Variants in RSBN1 observed in about 807,000 individuals in gnomAD.
RSBN1 encodes the protein lysine-specific demethylase 9.
In RSBN1, 23 loss-of-function variants were observed where a neutral mutation model predicts 74.8. The ratio of observed to expected loss-of-function variants is 0.31; its 90% confidence interval spans 0.22 to 0.44. The LOEUF is 0.44. Among genes scored for constraint, RSBN1 ranks in the 20% least tolerant of loss-of-function variants. RSBN1 has a pLI of 1.00. For missense variants in RSBN1, 808 were observed against 1,020.9 expected, an observed-to-expected ratio of 0.79 and a Z score of 2.84; for synonymous variants, 407 against 379.6, an observed-to-expected ratio of 1.07 and a Z score of -0.84.
rs1659689988 is a variant in RSBN1, at chr1:113,762,097, C to G, written c.*3883G>C. 6.5e-6 allele frequency: 1 copy of G among 152,688 alleles called. No homozygotes were observed. Among genetic ancestry groups the G allele is most frequent in the South Asian group, 2.1e-4 (1 of 4,828 alleles). 9.5% of individuals were successfully genotyped at this position (152,688 alleles called of 1,614,324 possible). ...TAGTCCGCCAGGCAAATATACATTTCATCTATATGCAAAGACCTCTTAGAT... is the reference window on the plus strand; with the variant it reads ...TAGTCCGCCAGGCAAATATACATTTGATCTATATGCAAAGACCTCTTAGAT... On this transcript the variant is annotated 3_prime_UTR_variant, in exon 7 of 7. Coordinates refer to ENST00000261441, the MANE Select transcript of RSBN1 (RefSeq NM_018364.5).
At chr1:113,792,861 A>T (rs61817617) in intron 2 of RSBN1, among the ~76,000 whole-genome samples, 33,101 of 151,944 alleles carry the variant, frequency 0.22, 4,506 homozygotes, top group South Asian at 0.39. Context: ...AGGAAACTCA[A>T]CTTTATAAAG....
chr1:113,779,160 TGGC>T (rs1660088886), intron 2 of RSBN1, among the ~76,000 whole-genome samples: 1 of 152,186 alleles, frequency 6.6e-6, no homozygotes, highest in Non-Finnish European at 1.5e-5. Flanking sequence ...TTATATAAAA[TGGC>T]TCTTTAATGA....
chr1:113,780,941 T>C (rs546818721), intron 2 of RSBN1, among the ~76,000 whole-genome samples: 4 of 152,362 alleles, frequency 2.6e-5, no homozygotes, highest in Admixed American at 2.6e-4. Context: ...TCTAGCTTTC[T>C]GTGACCTACG....
At position 113,812,078 on chromosome 1, in the gene RSBN1, G is replaced by C. The variant is rs746676514; in HGVS notation, c.335C>G (p.Pro112Arg). 25 of 1,579,698 alleles carry C rather than the reference G, an allele frequency of 1.6e-5. No individual in the cohort carries two copies. Among genetic ancestry groups the C allele is most frequent in the East Asian group, 4.5e-5 (2 of 44,274 alleles). The change falls in exon 1 of 7, where the codon CCT becomes CGT. Residue 112 changes from proline to arginine, a missense_variant. Coordinates refer to ENST00000261441, the MANE Select transcript of RSBN1 (RefSeq NM_018364.5). ...TTGGCGGCTGCGACGCCGCCGGTGA[G>C]GGGGAGCGAGAGGGGGCTCCTGGCT... ...RPSQEPPLAP[P>R]HRRRRSRQHP...
At chr1:113,775,762 T>C (rs1380557615) in intron 4 of RSBN1, among the ~76,000 whole-genome samples, 2 of 152,294 alleles carry the variant, frequency 1.3e-5, no homozygotes, top group East Asian at 3.9e-4. Flanking sequence ...TTAATAAGAT[T>C]TCAAGATTCG....
chr1:113,768,509 G>T, intron 4 of RSBN1, 120 bp from the exon 5 acceptor site: 1 of 628,022 alleles, frequency 1.6e-6, no homozygotes. Context: ...ATAAGATGAG[G>T]ACTGAGAAGG....
chr1:113,777,422 A>T, intron 3 of RSBN1, 70 bp from the exon 4 acceptor site: 1 of 1,479,398 alleles, frequency 6.8e-7, no homozygotes, highest in Non-Finnish European at 9.2e-7. Flanking sequence ...CTCCCACCCA[A>T]ATAAAAGTTC....
chr1:113,806,144 T>C (rs1450444921), intron 1 of RSBN1, among the ~76,000 whole-genome samples: 1 of 152,086 alleles, frequency 6.6e-6, no homozygotes, highest in African/African-American at 2.4e-5. Flanking sequence ...GAGACCAGTC[T>C]GGCCAACATG....
At position 113,762,238 on chromosome 1, in the gene RSBN1, T is replaced by C. The variant is rs1659692301; in HGVS notation, c.*3742A>G. On this transcript the variant is annotated 3_prime_UTR_variant, in exon 7 of 7. Coordinates refer to ENST00000261441, the MANE Select transcript of RSBN1 (RefSeq NM_018364.5). ...TGATAGTAGTACATAAGTATTTCTTTAGAGAGAATTGAAAAGTGCTATATT... is the reference window on the plus strand; with the variant it reads ...TGATAGTAGTACATAAGTATTTCTTCAGAGAGAATTGAAAAGTGCTATATT... 1 of 152,778 alleles carries C rather than the reference T, an allele frequency of 6.5e-6. No homozygotes were observed. The highest frequency in any genetic ancestry group is 1.5e-5 in the Non-Finnish European group (1 of 68,018). The allele number at this position is 152,778 out of a possible 1,614,324, so 9.5% of individuals were successfully genotyped here. A position where few individuals can be genotyped will look rare whatever the true frequency, so the allele number is the denominator to read the frequency against.
chr1:113,773,797 G>A (rs1390383346), intron 4 of RSBN1, among the ~76,000 whole-genome samples: 2 of 152,138 alleles, frequency 1.3e-5, no homozygotes, highest in Admixed American at 1.3e-4. Context: ...AAGGTCAAGA[G>A]ATCGAGACCA....
At chr1:113,793,856 G>A (rs1660418448) in intron 2 of RSBN1, among the ~76,000 whole-genome samples, 1 of 151,862 alleles carries the variant, frequency 6.6e-6, no homozygotes, top group African/African-American at 2.4e-5. Context: ...TAGTAGACAT[G>A]GGGTTTCACC....
At chr1:113,785,878 C>T (rs1660233345) in intron 2 of RSBN1, among the ~76,000 whole-genome samples, 1 of 152,118 alleles carries the variant, frequency 6.6e-6, no homozygotes, top group African/African-American at 2.4e-5. Flanking sequence ...TCAGCTGTAG[C>T]TGGATTATGG....
chr1:113,793,741 C>T (rs376949801), intron 2 of RSBN1, among the ~76,000 whole-genome samples: 1 of 151,116 alleles, frequency 6.6e-6, no homozygotes, highest in African/African-American at 2.4e-5. Context: ...GAGTGAGTGA[C>T]GTGATCTTGG....
chr1:113,805,642 T>G (rs1441379481), intron 1 of RSBN1, among the ~76,000 whole-genome samples: 1 of 152,206 alleles, frequency 6.6e-6, no homozygotes, highest in African/African-American at 2.4e-5. Context: ...TCTCTGAAAA[T>G]CACTTCTTTC....
chr1:113,812,011 G>A lies in RSBN1; in HGVS notation c.402C>T (p.Val134=). 5.8e-6 allele frequency: 9 copies of A among 1,545,736 alleles called. No individual in the cohort carries two copies. Among genetic ancestry groups the A allele is most frequent in the Non-Finnish European group, 7.0e-6 (8 of 1,145,900 alleles). The change falls in exon 1 of 7, where the codon GTC becomes GTT. Residue 134 remains valine (V), a synonymous_variant. Transcript: ENST00000261441. ...PLPPTNAAPT[V]PGPVEPLLLP... ...GGAGAAGAGGCTCAACAGGGCCTGGGACAGTTGGGGCTGCATTCGTTGGCG... is the reference window on the plus strand; with the variant it reads ...GGAGAAGAGGCTCAACAGGGCCTGGAACAGTTGGGGCTGCATTCGTTGGCG...
chr1:113,767,233 G>A, intron 5 of RSBN1, 26 bp from the exon 6 acceptor site: 1 of 1,284,816 alleles, frequency 7.8e-7, no homozygotes, highest in Non-Finnish European at 1.1e-6. Context: ...TTAAGTTTCA[G>A]AGACAAACAT....
chr1:113,787,657 C>T (rs139504123), intron 2 of RSBN1, among the ~76,000 whole-genome samples: 40 of 152,146 alleles, frequency 2.6e-4, no homozygotes, highest in African/African-American at 9.1e-4. Context: ...AAGCAAAATC[C>T]CAGTTATTTA....
chr1:113,777,628 T>C (rs1557996835), intron 3 of RSBN1, 43 bp downstream of exon 3: 1 of 1,569,432 alleles, frequency 6.4e-7, no homozygotes, highest in Non-Finnish European at 8.7e-7. Flanking sequence ...AAGTGCCCAC[T>C]TAAGTAAAGA....
At chr1:113,781,363 T>C (rs1474448685) in intron 2 of RSBN1, among the ~76,000 whole-genome samples, 1 of 152,230 alleles carries the variant, frequency 6.6e-6, no homozygotes, top group Non-Finnish European at 1.5e-5. Context: ...AACAAATCAC[T>C]GATGACCTCT....
Sources: allele counts gnomAD v4.1 joint callset (sites outside exome capture counted in the v4.1 genomes callset), GRCh38; gene constraint gnomAD v4.1.1; transcripts MANE v1.5; gene names NCBI Gene and HGNC (gene_info 2026-07-23, HGNC 2026-07-21).